Variants in PABPC4L observed in about 807,000 individuals in gnomAD.
PABPC4L encodes polyadenylate-binding protein 4-like.
For synonymous variants in PABPC4L, 169 were observed against 164.1 expected, an observed-to-expected ratio of 1.03 and a Z score of -0.23; for missense variants, 452 against 451.4, an observed-to-expected ratio of 1.00 and a Z score of -0.01.
At chr4:134,059,524 A>C in the PABPC4L span, among the ~76,000 whole-genome samples, 1 of 151,386 alleles carries the variant, frequency 6.6e-6, no homozygotes, top group African/African-American at 2.4e-5. Context: ...TACTTACATA[A>C]GTTTATGTTC....
At chr4:134,183,168 C>A in the PABPC4L span, among the ~76,000 whole-genome samples, 1 of 151,870 alleles carries the variant, frequency 6.6e-6, no homozygotes, top group South Asian at 2.1e-4. Context: ...ATGTTCACTG[C>A]AGCACTATTC....
the PABPC4L span, among the ~76,000 whole-genome samples, chr4:133,970,373 A>G: frequency 6.6e-6 from 1 of 152,004 alleles, no homozygotes; most frequent in Non-Finnish European, 1.5e-5. Flanking sequence ...TTCTATCCCT[A>G]AGCAATCTCA....
chr4:134,099,364 T>G, the PABPC4L span, among the ~76,000 whole-genome samples: 11 of 151,774 alleles, frequency 7.2e-5, no homozygotes, highest in Admixed American at 4.0e-4. Context: ...AACTGCAGGC[T>G]AAGCATGTAC....
At position 134,200,532 on chromosome 4, in the gene PABPC4L, T is replaced by G; in HGVS notation, c.488A>C (p.Lys163Thr). Residue 163 changes from lysine (K) to threonine (T), a missense_variant, in exon 2 of 2, where the codon AAG becomes ACG. Physicochemically the swap from Lys to Thr is moderately conservative, Grantham distance 78 (BLOSUM62 -1). Coordinates refer to ENST00000421491, the MANE Select transcript of PABPC4L (RefSeq NM_001114734.2). ...AIEEMNGKLL[K>T]GCKVFVGRFK... ...TCTGCCAACAAACACCTTGCAGCCCTTGAGTAGTTTTCCATTCATCTCCTC... is the reference window on the plus strand; with the variant it reads ...TCTGCCAACAAACACCTTGCAGCCCGTGAGTAGTTTTCCATTCATCTCCTC... 1 of 1,551,660 alleles carries G rather than the reference T, an allele frequency of 6.4e-7. No homozygotes were observed.
At chr4:133,994,449 G>A in the PABPC4L span, among the ~76,000 whole-genome samples, 1 of 152,096 alleles carries the variant, frequency 6.6e-6, no homozygotes, top group African/African-American at 2.4e-5. Flanking sequence ...ATTAGAGGTT[G>A]TATAACTGCT....
chr4:134,125,165 A>G, the PABPC4L span, among the ~76,000 whole-genome samples: 1 of 152,140 alleles, frequency 6.6e-6, no homozygotes, highest in East Asian at 1.9e-4. Context: ...CATTAAATTG[A>G]GAATACTTTT....
At chr4:134,164,051 C>G in the PABPC4L span, among the ~76,000 whole-genome samples, 7 of 151,466 alleles carry the variant, frequency 4.6e-5, no homozygotes, top group Non-Finnish European at 8.8e-5. Flanking sequence ...ATCACGAGGT[C>G]AGGAGATCGA....
At chr4:134,126,593 CT>C in the PABPC4L span, among the ~76,000 whole-genome samples, 69,833 of 151,088 alleles carry the variant, frequency 0.46, 18,809 homozygotes, top group East Asian at 0.98. Context: ...TCCCTTTAGT[CT>C]TTTTTTTTGG....
At chr4:134,180,997 TGAG>T in the PABPC4L span, among the ~76,000 whole-genome samples, 1 of 151,778 alleles carries the variant, frequency 6.6e-6, no homozygotes, top group African/African-American at 2.4e-5. Context: ...TCCAAAAAAT[TGAG>T]GAGGTGAGAA....
At chr4:134,158,292 G>A in the PABPC4L span, among the ~76,000 whole-genome samples, 1 of 151,864 alleles carries the variant, frequency 6.6e-6, no homozygotes, top group African/African-American at 2.4e-5. Flanking sequence ...TTAACCTACA[G>A]ATACTTTATT....
At chr4:134,180,471 A>G in the PABPC4L span, among the ~76,000 whole-genome samples, 2 of 151,926 alleles carry the variant, frequency 1.3e-5, no homozygotes, top group East Asian at 1.9e-4. Flanking sequence ...TAATATCACA[A>G]TTAGAGAAAC....
chr4:134,064,966 T>C, the PABPC4L span, among the ~76,000 whole-genome samples: 7 of 152,104 alleles, frequency 4.6e-5, 1 homozygote, highest in Non-Finnish European at 1.0e-4. Context: ...ATGGTCTATA[T>C]GCACCACAAT....
chr4:134,118,287 C>T, the PABPC4L span, among the ~76,000 whole-genome samples: 2 of 151,774 alleles, frequency 1.3e-5, no homozygotes, highest in East Asian at 1.9e-4. Context: ...AACAATTCAG[C>T]AAATGATGGT....
chr4:134,136,364 A>G, the PABPC4L span, among the ~76,000 whole-genome samples: 1 of 152,054 alleles, frequency 6.6e-6, no homozygotes, highest in Admixed American at 6.6e-5. Flanking sequence ...ACTTTGTCAC[A>G]TTGTCTTCTG....
At chr4:134,136,844 C>T in the PABPC4L span, among the ~76,000 whole-genome samples, 1 of 151,738 alleles carries the variant, frequency 6.6e-6, no homozygotes, top group Non-Finnish European at 1.5e-5. Context: ...TTTGCTCTGA[C>T]TATGTAAGAA....
the PABPC4L span, among the ~76,000 whole-genome samples, chr4:134,079,184 C>G: frequency 6.6e-6 from 1 of 150,952 alleles, no homozygotes; most frequent in African/African-American, 2.4e-5. Flanking sequence ...ATTGGCCAGG[C>G]TGGTCTCAAA....
the PABPC4L span, among the ~76,000 whole-genome samples, chr4:133,954,321 G>C: frequency 6.6e-6 from 1 of 152,092 alleles, no homozygotes; most frequent in African/African-American, 2.4e-5. Context: ...GGGGAACATG[G>C]GGACGAATTA....
At chr4:134,176,208 T>A in the PABPC4L span, among the ~76,000 whole-genome samples, 1 of 152,120 alleles carries the variant, frequency 6.6e-6, no homozygotes, top group African/African-American at 2.4e-5. Flanking sequence ...AGGTATTAAA[T>A]TTTTATTCAT....
At chr4:134,161,947 C>G in the PABPC4L span, among the ~76,000 whole-genome samples, 1 of 152,020 alleles carries the variant, frequency 6.6e-6, no homozygotes, top group Non-Finnish European at 1.5e-5. Context: ...TTTTAGCTTT[C>G]TCTTGTTTGT....
Sources: gnomAD v4.1 joint callset for allele counts (sites outside exome capture counted in the v4.1 genomes callset) on GRCh38, gnomAD v4.1.1 for gene constraint, MANE v1.5 for transcripts, NCBI Gene and HGNC (gene_info 2026-07-23, HGNC 2026-07-21) for gene names.